Variants in KIF13A observed in about 807,000 individuals in gnomAD.
KIF13A encodes the protein kinesin family member 13A, also known as kinesin-like protein KIF13A.
In KIF13A, 79 loss-of-function variants were observed where a neutral mutation model predicts 212.2. That is an observed-to-expected ratio of 0.37 (90% confidence interval 0.31 to 0.45). KIF13A has a LOEUF of 0.45. Among genes scored for constraint, KIF13A ranks in the 20% least tolerant of loss-of-function variants. KIF13A has a pLI of 1.00. For synonymous variants in KIF13A, 789 were observed against 808.6 expected, an observed-to-expected ratio of 0.98 and a Z score of 0.41; for missense variants, 1,901 against 2,209.0, an observed-to-expected ratio of 0.86 and a Z score of 2.79.
chr6:17,909,604 A>T (rs1253572087), intron 2 of KIF13A, among the ~76,000 whole-genome samples: 1 of 151,486 alleles, frequency 6.6e-6, no homozygotes, highest in Non-Finnish European at 1.5e-5. Context: ...GAAAGAATGG[A>T]GAATGGGGGA....
At chr6:17,805,370 CGTGTGTGTGTGTGTGTGT>C (rs59526903) in intron 19 of KIF13A, 87 bp downstream of exon 19, 316,984 of 737,924 alleles carry the variant, frequency 0.43, 46,804 homozygotes, top group East Asian at 0.5. Context: ...AGCACATCTC[CGTGTGTGTGTGTGTGTGT>C]GTGTGTGTGT....
At position 17,951,219 on chromosome 6, in the gene KIF13A, A is replaced by C. The variant is rs1777816553; in HGVS notation, c.146+35835T>G. 2.0e-6 allele frequency: 2 copies of C among 985,878 alleles called. No individual in the cohort carries two copies. The highest frequency in any genetic ancestry group is 3.4e-5 in the African/African-American group (2 of 58,718). The allele number at this position is 985,878 out of a possible 1,614,324, so 61.1% of individuals were successfully genotyped here. A position where few individuals can be genotyped will look rare whatever the true frequency, so the allele number is the denominator to read the frequency against. On this transcript the variant is annotated intron_variant, in intron 2 of 38. Transcript: ENST00000259711. The surrounding 1 kb of genome is among the most constrained non-coding windows in gnomAD (Gnocchi z 4.9). ...ACCCAGGCTGGCGTGCAGTGGCTCA[A>C]ACAGCTCACTGGAGCCTCCTGCCTC...
At position 17,780,711 on chromosome 6, in the gene KIF13A, A is replaced by C. The variant is rs1313710492; in HGVS notation, c.3846+19T>G. On this transcript the variant is annotated intron_variant, in intron 31 of 38. Coordinates refer to ENST00000259711, the MANE Select transcript of KIF13A (RefSeq NM_022113.6). The stretch of plus-strand genomic sequence containing the variant: ...TTTGAGCTCAGAGCCAGAATGGCAC[A>C]ATCAGGCCCCGTTATTACCTGTTTG... 1.9e-6 allele frequency: 3 copies of C among 1,609,652 alleles called. No individual in the cohort carries two copies. The highest frequency in any genetic ancestry group is 1.7e-6 in the Non-Finnish European group (2 of 1,176,658).
chr6:17,919,544 T>C lies in KIF13A; in HGVS notation c.147-21364A>G, dbSNP rs1193973202. ...TCCTATATATCCAGAGTAAGAAAGC[T>C]GTGAGTATCAAAAATAGATGTTCTA... On this transcript the variant is annotated intron_variant, in intron 2 of 38. Coordinates refer to ENST00000259711, the MANE Select transcript of KIF13A (RefSeq NM_022113.6). This position sits in a 1 kb window ranked among gnomAD's most constrained non-coding sequence, Gnocchi z 4.1. Among the ~76,000 whole-genome samples the C allele has an allele frequency of 6.6e-6, 1 of 152,220 alleles. No homozygotes were observed. The highest frequency in any genetic ancestry group is 1.5e-5 in the Non-Finnish European group (1 of 68,028).
chr6:17,841,984 T>C (rs1313405859), intron 9 of KIF13A, among the ~76,000 whole-genome samples: 1 of 147,804 alleles, frequency 6.8e-6, no homozygotes, highest in Non-Finnish European at 1.5e-5. Context: ...CATGTATGTA[T>C]GTGTATATAC....
In KIF13A at chr6:17,843,471, G is replaced by A. The variant is rs946899426; in HGVS notation, c.831-5888C>T. Reference sequence around the variant, plus strand: ...AACTGTTGTTCTTCTGATAAAAGAAGGTACAAATTCAGCTGACAGAAGCCT... The same window carrying A: ...AACTGTTGTTCTTCTGATAAAAGAAAGTACAAATTCAGCTGACAGAAGCCT... On this transcript the variant is annotated intron_variant, in intron 9 of 38. Coordinates refer to ENST00000259711, the MANE Select transcript of KIF13A (RefSeq NM_022113.6). The surrounding 1 kb of genome is among the most constrained non-coding windows in gnomAD (Gnocchi z 5.3). Among the ~76,000 whole-genome samples the A allele has an allele frequency of 3.9e-5, 6 of 152,160 alleles. No individual in the cohort carries two copies. The highest frequency in any genetic ancestry group is 1.4e-4 in the African/African-American group (6 of 41,434).
chr6:17,987,543 AGCCGCGCGCCCCTCGAGCGCGGCC>A lies in KIF13A; in HGVS notation c.-104_-81del. On this transcript the variant is annotated 5_prime_UTR_variant, in exon 1 of 39. Transcript: ENST00000259711. This position sits in a 1 kb window ranked among gnomAD's most constrained non-coding sequence, Gnocchi z 7.7. Reference sequence around the variant, plus strand: ...TCACGCGCGGCGCCGCCGCCGCTGCAGCCGCGCGCCCCTCGAGCGCGGCCGCCGCCGCTCCGCCGTGAGCTCCGA... The same window carrying A: ...TCACGCGCGGCGCCGCCGCCGCTGCAGCCGCCGCTCCGCCGTGAGCTCCGA... 3 of 777,514 alleles carry A rather than the reference AGCCGCGCGCCCCTCGAGCGCGGCC, an allele frequency of 3.9e-6. No individual in the cohort carries two copies. Among genetic ancestry groups the A allele is most frequent in the Middle Eastern group, 1.2e-3 (2 of 1,660 alleles). The allele number at this position is 777,514 out of a possible 1,614,324, so 48.2% of individuals were successfully genotyped here. A position where few individuals can be genotyped will look rare whatever the true frequency, so the allele number is the denominator to read the frequency against.
rs1011233414 is a variant in KIF13A at position 17,855,556 on chromosome 6, G to A, written c.375C>T (p.Leu125=). The change falls in exon 6 of 39, where the codon CTC becomes CTT. Residue 125 remains leucine, a synonymous_variant. Transcript: ENST00000259711. The surrounding 1 kb of genome is among the most constrained non-coding windows in gnomAD (Gnocchi z 4.1). ...HAEQLGLIPR[L]CCALFKRISL... ...AGATCCTTTTAAATAAAGCACAGCA[G>A]AGCCTTGGAATAAGGCCCAGCTGCT... The A allele has an allele frequency of 1.2e-6, 2 of 1,613,656 alleles. No individual in the cohort carries two copies. The highest frequency in any genetic ancestry group is 1.7e-6 in the Non-Finnish European group (2 of 1,179,814).
chr6:17,884,668 G>A (rs1039474033), intron 3 of KIF13A, among the ~76,000 whole-genome samples: 7 of 152,202 alleles, frequency 4.6e-5, no homozygotes, highest in Admixed American at 3.9e-4. Flanking sequence ...TTCCCTTGGG[G>A]AAAAAAGTCT....
rs552671481 is a variant in KIF13A at position 17,900,805 on chromosome 6, A to G, written c.147-2625T>C. On this transcript the variant is annotated intron_variant, in intron 2 of 38. Transcript: ENST00000259711. This position sits in a 1 kb window ranked among gnomAD's most constrained non-coding sequence, Gnocchi z 4.6. Reference sequence around the variant, plus strand: ...TGAGAGCTCAGTCCAGGGGCCAGGCACAGTGGCTCACACCTGTAATCCCAG... The same window carrying G: ...TGAGAGCTCAGTCCAGGGGCCAGGCGCAGTGGCTCACACCTGTAATCCCAG... 4.6e-5 allele frequency among the ~76,000 whole-genome samples: 7 copies of G among 152,272 alleles called. No homozygotes were observed. Among genetic ancestry groups the G allele is most frequent in the African/African-American group, 1.7e-4 (7 of 41,554 alleles).
At chr6:17,977,318 T>C (rs1005436357) in intron 2 of KIF13A, among the ~76,000 whole-genome samples, 2 of 152,202 alleles carry the variant, frequency 1.3e-5, no homozygotes, top group African/African-American at 2.4e-5. Flanking sequence ...TATCAACTTT[T>C]ATCTTCACTA....
At chr6:17,894,410 A>T (rs1772372232) in intron 3 of KIF13A, among the ~76,000 whole-genome samples, 5 of 152,062 alleles carry the variant, frequency 3.3e-5, no homozygotes, top group Admixed American at 3.3e-4. Flanking sequence ...GAGTCACTGC[A>T]CCTGGCCTTT....
chr6:17,766,219 G>GATTTATTT (rs57491415), intron 38 of KIF13A, among the ~76,000 whole-genome samples: 8,890 of 144,628 alleles, frequency 0.061, 419 homozygotes, highest in African/African-American at 0.13. Context: ...TTATTTTTAA[G>GATTTATTT]ATTTATTTAT....
chr6:17,764,020 C>T lies in KIF13A; in HGVS notation c.*90G>A, dbSNP rs1489664606. On this transcript the variant is annotated 3_prime_UTR_variant, in exon 39 of 39. Transcript: ENST00000259711. This position sits in a 1 kb window ranked among gnomAD's most constrained non-coding sequence, Gnocchi z 5.1. The stretch of plus-strand genomic sequence containing the variant: ...AAGTGAGCCTGCTTCTCTGTGGGCT[C>T]ATCTTTGCTGTCACAAACAACTGGA... 2.7e-6 allele frequency: 4 copies of T among 1,491,852 alleles called. No homozygotes were observed. Among genetic ancestry groups the T allele is most frequent in the Non-Finnish European group, 2.7e-6 (3 of 1,119,718 alleles). 92.4% of individuals were successfully genotyped at this position (1,491,852 alleles called of 1,614,324 possible).
chr6:17,853,484 A>G (rs1156374792), intron 6 of KIF13A, among the ~76,000 whole-genome samples: 6 of 152,072 alleles, frequency 3.9e-5, no homozygotes, highest in African/African-American at 1.4e-4. Flanking sequence ...TTACAATTCC[A>G]CCCCTAGATG....
At chr6:17,824,569 C>T (rs1352237801) in intron 16 of KIF13A, among the ~76,000 whole-genome samples, 2 of 151,802 alleles carry the variant, frequency 1.3e-5, no homozygotes, top group Non-Finnish European at 2.9e-5. Flanking sequence ...ACCAGCCTGC[C>T]TTAACACGGT....
chr6:17,983,494 C>CTGCTTTTT (rs1554128211), intron 2 of KIF13A, among the ~76,000 whole-genome samples: 7 of 127,344 alleles, frequency 5.5e-5, no homozygotes, highest in Admixed American at 3.1e-4. Flanking sequence ...GCTGCTGCTG[C>CTGCTTTTT]TTTTTTTTTT....
Position 17,794,302 on chromosome 6 carries a change from C to A in KIF13A, c.3169G>T (p.Gly1057Cys). 6.2e-7 allele frequency: 1 copy of A among 1,613,446 alleles called. No individual in the cohort carries two copies. Among genetic ancestry groups the A allele is most frequent in the Non-Finnish European group, 8.5e-7 (1 of 1,179,508 alleles). The change falls in exon 25 of 39, where the codon GGC becomes TGC. Residue 1057 changes from glycine (G) to cysteine (C), a missense_variant. Physicochemically the swap from Gly to Cys is radical, Grantham distance 159. Around this residue, in one of 5 missense-constraint regions of KIF13A, gnomAD observed 168 missense variants for 250.9 expected, o/e 0.67. Coordinates refer to ENST00000259711, the MANE Select transcript of KIF13A (RefSeq NM_022113.6). This position sits in a 1 kb window ranked among gnomAD's most constrained non-coding sequence, Gnocchi z 4.1. The stretch of plus-strand genomic sequence containing the variant: ...TTGGTGGACCTGGCAGTTACACAGC[C>A]GATGGATACTGACAGGATGGCTTCA... ...MVEAILSVSI[G>C]CVTARSTKLQ...
chr6:17,978,957 ATAACTT>A lies in KIF13A; in HGVS notation c.146+8091_146+8096del, dbSNP rs563449713. On this transcript the variant is annotated intron_variant, in intron 2 of 38. Transcript: ENST00000259711. ...TACACCTTTTTAAATGTTACACCAA[ATAACTT>A]TAACAGTGATGCAAAAAGTATGATT... is the stretch of plus-strand genomic sequence containing the variant. 1.2e-4 allele frequency among the ~76,000 whole-genome samples: 19 copies of A among 152,360 alleles called. No homozygotes were observed. The East Asian group carries it at 1.7e-3, about 14-fold the overall frequency.
Sources: gnomAD v4.1 joint callset for allele counts (sites outside exome capture counted in the v4.1 genomes callset) on GRCh38, gnomAD v4.1.1 for gene constraint, gnomAD v4.1.1 regional missense constraint, Gnocchi (gnomAD v3.1) non-coding constraint, MANE v1.5 for transcripts, NCBI Gene and HGNC (gene_info 2026-07-23, HGNC 2026-07-21) for gene names.